RBFOX1: variants seen among roughly 807,000 people sequenced by gnomAD.
RBFOX1 encodes the protein RNA binding protein fox-1 homolog 1.
In RBFOX1, 8 loss-of-function variants were observed where a neutral mutation model predicts 57.7. The ratio of observed to expected loss-of-function variants is 0.14; its 90% CI spans 0.08 to 0.25. RBFOX1 has a LOEUF of 0.25. Among genes scored for constraint, RBFOX1 ranks in the 10% least tolerant of loss-of-function variants. The pLI is 1.00. For missense variants in RBFOX1, 611 were observed against 548.5 expected, an observed-to-expected ratio of 1.11 and a Z score of -1.14; for synonymous variants, 326 against 222.4, an observed-to-expected ratio of 1.47 and a Z score of -4.15.
chr16:7,357,068 G>A (rs1297019317), intron 4 of RBFOX1, among the ~76,000 whole-genome samples: 1 of 152,106 alleles, frequency 6.6e-6, no homozygotes, highest in African/African-American at 2.4e-5. Context: ...GGAACATTCT[G>A]CATCAAGGTA....
chr16:6,031,154 T>C (rs973401137), intron 1 of RBFOX1, among the ~76,000 whole-genome samples: 1 of 152,170 alleles, frequency 6.6e-6, no homozygotes, highest in Non-Finnish European at 1.5e-5. Flanking sequence ...TTGGGCCACA[T>C]TTAAGCTACG....
At position 7,091,720 on chromosome 16, in the gene RBFOX1, T is replaced by TG. The variant is rs1003008129; in HGVS notation, c.27+39627dup. On this transcript the variant is annotated intron_variant, in intron 4 of 15. Coordinates refer to ENST00000550418, the MANE Select transcript of RBFOX1 (RefSeq NM_018723.4). ...TGCTCTTTCACCCCATCCTCAGTAC[T>TG]GGGGGAGCCTCCTCTGAATTCTGCA... 9.2e-5 allele frequency among the ~76,000 whole-genome samples: 14 copies of TG among 152,296 alleles called. No individual in the cohort carries two copies. In the East Asian group the frequency reaches 2.5e-3, roughly 27 times the overall value.
intron 4 of RBFOX1, among the ~76,000 whole-genome samples, chr16:7,351,301 G>T (rs1045456767): frequency 3.3e-5 from 5 of 152,208 alleles, no homozygotes; most frequent in Non-Finnish European, 5.9e-5. Context: ...ATGTCAAAGG[G>T]TAGTAGAAAG....
At chr16:7,122,519 A>T (rs2067415829) in intron 4 of RBFOX1, among the ~76,000 whole-genome samples, 1 of 152,186 alleles carries the variant, frequency 6.6e-6, no homozygotes, top group Non-Finnish European at 1.5e-5. Context: ...ACTAGGATGG[A>T]ATACCATTAA....
intron 4 of RBFOX1, among the ~76,000 whole-genome samples, chr16:7,497,276 A>T (rs993565829): frequency 6.6e-6 from 1 of 151,976 alleles, no homozygotes; most frequent in Non-Finnish European, 1.5e-5. Context: ...CAGCCATATT[A>T]TCCTGTTTTC....
At chr16:6,235,399 C>T (rs1451018984) in intron 1 of RBFOX1, among the ~76,000 whole-genome samples, 4 of 152,154 alleles carry the variant, frequency 2.6e-5, no homozygotes, top group East Asian at 1.9e-4. Context: ...TGTGCCATGC[C>T]GCATATCTAC....
intron 4 of RBFOX1, among the ~76,000 whole-genome samples, chr16:7,070,003 CTCA>C (rs1187283774): frequency 1.3e-5 from 2 of 152,162 alleles, no homozygotes; most frequent in African/African-American, 2.4e-5. Context: ...AGTGGATATT[CTCA>C]TCATCATCCT....
intron 4 of RBFOX1, among the ~76,000 whole-genome samples, chr16:6,010,594 G>A (rs377223512): frequency 2.6e-4 from 40 of 152,190 alleles, no homozygotes; most frequent in African/African-American, 8.7e-4. Flanking sequence ...GGAAGCAAAC[G>A]GAGTGTCCGC....
intron 3 of RBFOX1, among the ~76,000 whole-genome samples, chr16:7,022,525 G>T (rs1462267093): frequency 6.6e-6 from 1 of 152,026 alleles, no homozygotes; most frequent in Non-Finnish European, 1.5e-5. Flanking sequence ...TCCCTGTGAG[G>T]TCAGGAACTA....
intron 4 of RBFOX1, among the ~76,000 whole-genome samples, chr16:7,062,050 G>A (rs1482297745): frequency 3.3e-5 from 5 of 152,040 alleles, no homozygotes; most frequent in African/African-American, 1.2e-4. Context: ...GGGTGTGGTG[G>A]CTCACACCTG....
At chr16:6,169,613 G>C (rs2096943371) in intron 1 of RBFOX1, among the ~76,000 whole-genome samples, 1 of 152,188 alleles carries the variant, frequency 6.6e-6, no homozygotes, top group East Asian at 1.9e-4. Context: ...AATTAGAAGT[G>C]AGGTACAGAA....
chr16:6,718,917 C>T lies in RBFOX1; in HGVS notation c.-16+64267C>T, dbSNP rs367904296. ...TTGTACTGTTGCCTAGGCTGGAGTG[C>T]AGTGGCATGATCTCAGCTTGCTGCA... On this transcript the variant is annotated intron_variant, in intron 3 of 15. Transcript: ENST00000550418. Among the ~76,000 whole-genome samples, 10 of 152,100 alleles carry T rather than the reference C, an allele frequency of 6.6e-5. 1 individual carries two copies. Among genetic ancestry groups the T allele is most frequent in the African/African-American group, 2.4e-4 (10 of 41,482 alleles).
intron 4 of RBFOX1, among the ~76,000 whole-genome samples, chr16:5,889,249 C>G (rs1334819059): frequency 6.6e-6 from 1 of 152,148 alleles, no homozygotes. Flanking sequence ...CCCACACTCT[C>G]CGGCAGTGTG....
chr16:6,834,285 A>G (rs1002492020), intron 3 of RBFOX1, among the ~76,000 whole-genome samples: 1 of 152,026 alleles, frequency 6.6e-6, no homozygotes, highest in Admixed American at 6.6e-5. Context: ...CACGTTGGCC[A>G]GGCTGGTCTC....
chr16:7,500,589 C>T (rs369193898), intron 4 of RBFOX1, among the ~76,000 whole-genome samples: 3 of 152,148 alleles, frequency 2.0e-5, no homozygotes, highest in East Asian at 3.9e-4. Flanking sequence ...CAGTTTGATG[C>T]ATTGGAAATA....
intron 4 of RBFOX1, among the ~76,000 whole-genome samples, chr16:5,912,294 C>T (rs912807852): frequency 2.0e-5 from 3 of 152,194 alleles, no homozygotes; most frequent in African/African-American, 7.2e-5. Context: ...ATGAAGCTCA[C>T]CGTATCATTG....
chr16:6,068,266 C>A (rs141441681), intron 1 of RBFOX1, among the ~76,000 whole-genome samples: 2 of 152,288 alleles, frequency 1.3e-5, no homozygotes, highest in African/African-American at 4.8e-5. Flanking sequence ...CAGACTTCAG[C>A]CTTACTTTGT....
In RBFOX1 at chr16:7,504,803, T is replaced by A. The variant is rs868106983; in HGVS notation, c.28-13344T>A. On this transcript the variant is annotated intron_variant, in intron 4 of 15. Coordinates refer to ENST00000550418, the MANE Select transcript of RBFOX1 (RefSeq NM_018723.4). The stretch of plus-strand genomic sequence containing the variant: ...TATATATATTTATATATATATATAT[T>A]TATATATATATATATAGTGACTAAC... 2.2e-3 allele frequency among the ~76,000 whole-genome samples: 145 copies of A among 66,722 alleles called. 5 individuals carry two copies. The highest frequency in any genetic ancestry group is 0.01 in the African/African-American group (119 of 11,890). The allele number at this position is 66,722 out of a possible 152,430, so 43.8% of individuals were successfully genotyped here.
chr16:6,067,499 C>T (rs4146811), intron 1 of RBFOX1, among the ~76,000 whole-genome samples: 72,055 of 151,998 alleles, frequency 0.47, 17,161 homozygotes, highest in East Asian at 0.53. Context: ...CTTGTCTTAC[C>T]TGTGTGATGT....
Sources: gnomAD v4.1 joint callset for allele counts (sites outside exome capture counted in the v4.1 genomes callset) on GRCh38, gnomAD v4.1.1 for gene constraint, MANE v1.5 for transcripts, NCBI Gene and HGNC (gene_info 2026-07-23, HGNC 2026-07-21) for gene names.